KLHL33: variants seen among roughly 807,000 people sequenced by gnomAD.
The protein encoded by KLHL33 is kelch-like protein 33.
KLHL33 carries 46 observed loss-of-function variants against 60.8 expected under a neutral mutation model. That is an observed-to-expected ratio of 0.76 (90% CI 0.60 to 0.97). The LOEUF is 0.97. Among genes scored for constraint, KLHL33 ranks in the 50% least tolerant of loss-of-function variants. KLHL33 has a pLI of 0.00. For missense variants in KLHL33, 1,055 were observed against 1,000.0 expected (o/e 1.05, Z -0.74); for synonymous variants, 434 against 432.2 (o/e 1.00, Z -0.05).
chr14:20,429,336 T>C lies in KLHL33; in HGVS notation c.1907A>G (p.Tyr636Cys). Reference protein sequence around the residue: ...HAAAILEGQLYVSGGCGGTGQ... With the variant: ...HAAAILEGQLCVSGGCGGTGQ... The stretch of plus-strand genomic sequence containing the variant: ...AGTCCCACCACAGCCACCGCTCACG[T>C]ACAACTGGCCCTCCAAAATCGCAGC... Residue 636 changes from tyrosine (Y) to cysteine (C), a missense_variant, in exon 5 of 5, where the codon TAC becomes TGC. Physicochemically the swap from Tyr to Cys is radical, Grantham distance 194. Transcript: ENST00000636854. 1 of 1,551,716 alleles carries C rather than the reference T, an allele frequency of 6.4e-7. No individual in the cohort carries two copies.
rs1246517076 is a variant in KLHL33, at chr14:20,427,107, A to G, written c.*1742T>C. The G allele has an allele frequency of 2.6e-5, 4 of 151,374 alleles. No individual in the cohort carries two copies. Among genetic ancestry groups the G allele is most frequent in the Non-Finnish European group, 5.9e-5 (4 of 67,840 alleles). 9.4% of individuals were successfully genotyped at this position (151,374 alleles called of 1,614,324 possible). On this transcript the variant is annotated 3_prime_UTR_variant, in exon 5 of 5. Coordinates refer to ENST00000636854, the MANE Select transcript of KLHL33 (RefSeq NM_001365790.2). ...TAAATGACGAGTTAATGGGTGCAGC[A>G]CACCAGCATGGCACATGTATACATA...
Position 20,429,677 on chromosome 14 carries a change from C to T in KLHL33, c.1674-8G>A. Reference sequence around the variant, plus strand: ...TCTTGACTGGGCTCCCACCTGGACACAGTAGGACAAGAGATTGGAAGAGGG... The same window carrying T: ...TCTTGACTGGGCTCCCACCTGGACATAGTAGGACAAGAGATTGGAAGAGGG... On this transcript the variant is annotated splice_polypyrimidine_tract_variant and splice_region_variant and intron_variant, in intron 3 of 4. Coordinates refer to ENST00000636854, the MANE Select transcript of KLHL33 (RefSeq NM_001365790.2). The T allele has an allele frequency of 6.5e-7, 1 of 1,550,068 alleles. No individual in the cohort carries two copies. Among genetic ancestry groups the T allele is most frequent in the Non-Finnish European group, 8.7e-7 (1 of 1,146,374 alleles).
intron 2 of KLHL33, 47 bp downstream of exon 2, chr14:20,435,017 C>G (rs932735659): frequency 1.3e-4 from 155 of 1,226,052 alleles, no homozygotes; most frequent in Non-Finnish European, 1.6e-4. Flanking sequence ...CACACCATTC[C>G]GTTAGCATAT....
At chr14:20,433,264 G>A (rs566727399) in intron 2 of KLHL33, among the ~76,000 whole-genome samples, 273 of 152,260 alleles carry the variant, frequency 1.8e-3, no homozygotes, top group African/African-American at 6.3e-3. Context: ...TCTTGGTTTT[G>A]TAAAATGCTT....
rs882594 is a variant in KLHL33, at chr14:20,428,365, G to A, written c.*484C>T. 82,014 of 154,020 alleles carry A rather than the reference G, an allele frequency of 0.53. 22,718 individuals carry two copies. Among genetic ancestry groups the A allele is most frequent in the African/African-American group, 0.68 (28,321 of 41,520 alleles). 9.5% of individuals were successfully genotyped at this position (154,020 alleles called of 1,614,324 possible). A position where few individuals can be genotyped will look rare whatever the true frequency, so the allele number is the denominator to read the frequency against. Reference sequence around the variant, plus strand: ...TTAAGAAGGTTTAGGCATCCCAGGGGTGGGAGAGGAGAAAGGAGCAAGTTC... The same window carrying A: ...TTAAGAAGGTTTAGGCATCCCAGGGATGGGAGAGGAGAAAGGAGCAAGTTC... On this transcript the variant is annotated 3_prime_UTR_variant, in exon 5 of 5. Transcript: ENST00000636854.
chr14:20,430,345 A>T lies in KLHL33; in HGVS notation c.1123T>A (p.Phe375Ile). The T allele has an allele frequency of 1.9e-6, 3 of 1,551,910 alleles. No homozygotes were observed. The highest frequency in any genetic ancestry group is 2.6e-6 in the Non-Finnish European group (3 of 1,147,020). Residue 375 changes from phenylalanine to isoleucine, a missense_variant, in exon 3 of 5, where the codon TTC (phenylalanine) becomes ATC (isoleucine). Phe to Ile is a conservative substitution (Grantham distance 21). Transcript: ENST00000636854. ...AAGCAGGCAGCTGGTAAAGAAGGGA[A>T]AGCAGGACACAAGGCTACAGCAGGC... is the stretch of plus-strand genomic sequence containing the variant. The part of the protein sequence containing the change: ...HLPAVALCPA[F>I]PSLPAACLAE...
intron 2 of KLHL33, 104 bp from the exon 3 acceptor site, chr14:20,430,823 C>CAAACT: frequency 1.5e-5 from 12 of 776,974 alleles, no homozygotes; most frequent in Non-Finnish European, 2.2e-5. Flanking sequence ...TAAGTTTGGC[C>CAAACT]CTCCAAGCCA....
intron 2 of KLHL33, among the ~76,000 whole-genome samples, chr14:20,432,984 A>AAGAAAGAAAGAAAGAAAGAG (rs1016426715): frequency 1.3e-5 from 2 of 151,608 alleles, no homozygotes; most frequent in Admixed American, 6.6e-5. Flanking sequence ...GAAAGAAAGA[A>AAGAAAGAAAGAAAGAAAGAG]AGAGAGAAAT....
rs368401137 is a variant in KLHL33 at position 20,429,822 on chromosome 14, T to C, written c.1646A>G (p.His549Arg). The C allele has an allele frequency of 1.9e-6, 3 of 1,544,938 alleles. No individual in the cohort carries two copies. Among genetic ancestry groups the C allele is most frequent in the East Asian group, 4.9e-5 (2 of 40,856 alleles). Residue 549 changes from histidine to arginine, a missense_variant, in exon 3 of 5, where the codon CAC (histidine) becomes CGC (arginine). His to Arg is a conservative substitution (Grantham distance 29). Coordinates refer to ENST00000636854, the MANE Select transcript of KLHL33 (RefSeq NM_001365790.2). ...GAGAGTTGAAGCCAGGGTGTTGGAGTGACTGTAGAAATCTTGTCCCCCACA... is the reference window on the plus strand; with the variant it reads ...GAGAGTTGAAGCCAGGGTGTTGGAGCGACTGTAGAAATCTTGTCCCCCACA... ...YVCGGQDFYS[H>R]SNTLASTLRW...
rs1880387937 is a variant in KLHL33, at chr14:20,429,015, G to A, written c.2228C>T (p.Ala743Val). The A allele has an allele frequency of 3.2e-6, 5 of 1,551,628 alleles. No homozygotes were observed. Among genetic ancestry groups the A allele is most frequent in the African/African-American group, 1.4e-5 (1 of 73,064 alleles). ...GTAGGCATGGATAAGGTGAGAGAGG[G>A]CATAAGTACGGTGACTGTAGCCCCC... ...VLGGYSHRTY[A>V]LSHLIHAYCP... The change falls in exon 5 of 5, where the codon GCC (alanine) becomes GTC (valine). Residue 743 changes from alanine (A) to valine (V), a missense_variant. Coordinates refer to ENST00000636854, the MANE Select transcript of KLHL33 (RefSeq NM_001365790.2).
intron 1 of KLHL33, 119 bp from the exon 2 acceptor site, chr14:20,435,949 T>G: frequency 1.5e-6 from 1 of 646,864 alleles, no homozygotes; most frequent in Non-Finnish European, 2.2e-6. Context: ...ACCCTCCTCC[T>G]ACCCTCAGCC....
At position 20,430,134 on chromosome 14, in the gene KLHL33, A is replaced by G; in HGVS notation, c.1334T>C (p.Leu445Pro). The change falls in exon 3 of 5, where the codon CTT becomes CCT. Residue 445 changes from leucine (L) to proline (P), a missense_variant. Leu to Pro is a moderately conservative substitution (Grantham distance 98). Transcript: ENST00000636854. ...CAACAGATCTGGGGTCAGGGGTGGA[A>G]GTAGCCCGGCTGCCCGCACCCTCCG... The part of the protein sequence containing the change: ...ELRRVRAAGL[L>P]PPLTPDLLHQ... The G allele has an allele frequency of 6.4e-7, 1 of 1,551,606 alleles. No individual in the cohort carries two copies. The highest frequency in any genetic ancestry group is 8.7e-7 in the Non-Finnish European group (1 of 1,146,996).
rs1249487243 is a variant in KLHL33 at position 20,435,768 on chromosome 14, C to A, written c.44G>T (p.Ser15Ile). ...DTPHYPPELESVSHPVQRDCL... is the reference protein window; with the variant it reads ...DTPHYPPELEIVSHPVQRDCL... ...GTCCCTCTGGACGGGATGAGAGACACTCTCCAGCTCAGGGGGATAATGTGG... is the reference window on the plus strand; with the variant it reads ...GTCCCTCTGGACGGGATGAGAGACAATCTCCAGCTCAGGGGGATAATGTGG... Residue 15 changes from serine (S) to isoleucine (I), a missense_variant, in exon 2 of 5, where the codon AGT becomes ATT. Ser to Ile is a moderately radical substitution (Grantham distance 142). Transcript: ENST00000636854. 2 of 1,234,350 alleles carry A rather than the reference C, an allele frequency of 1.6e-6. No homozygotes were observed. The highest frequency in any genetic ancestry group is 2.0e-6 in the Non-Finnish European group (2 of 988,266). 76.5% of individuals were successfully genotyped at this position (1,234,350 alleles called of 1,614,324 possible). A position where few individuals can be genotyped will look rare whatever the true frequency, so the allele number is the denominator to read the frequency against.
chr14:20,435,453 G>A lies in KLHL33; in HGVS notation c.359C>T (p.Ala120Val), dbSNP rs1880660067. 1.4e-5 allele frequency: 17 copies of A among 1,234,324 alleles called. No individual in the cohort carries two copies. Among genetic ancestry groups the A allele is most frequent in the Non-Finnish European group, 1.7e-5 (17 of 988,222 alleles). The allele number at this position is 1,234,324 out of a possible 1,614,324, so 76.5% of individuals were successfully genotyped here. The change falls in exon 2 of 5, where the codon GCG (alanine) becomes GTG (valine). Residue 120 changes from alanine to valine, a missense_variant. By Grantham distance (64) the Ala-to-Val change is moderately conservative. Coordinates refer to ENST00000636854, the MANE Select transcript of KLHL33 (RefSeq NM_001365790.2). ...RLLLDEEVSVAGRVYGVHRVI... is the reference protein window; with the variant it reads ...RLLLDEEVSVVGRVYGVHRVI... Reference sequence around the variant, plus strand: ...CCGATGCACCCCGTATACCCGCCCCGCGACTGACACCTCTTCGTCCAGCAA... The same window carrying A: ...CCGATGCACCCCGTATACCCGCCCCACGACTGACACCTCTTCGTCCAGCAA...
chr14:20,433,397 G>T (rs1466523775), intron 2 of KLHL33, among the ~76,000 whole-genome samples: 1 of 152,206 alleles, frequency 6.6e-6, no homozygotes, highest in East Asian at 1.9e-4. Flanking sequence ...TTCCCAAAGG[G>T]CAGGTGTTGT....
chr14:20,434,657 A>C (rs1880625197), intron 2 of KLHL33, among the ~76,000 whole-genome samples: 1 of 152,182 alleles, frequency 6.6e-6, no homozygotes, highest in Non-Finnish European at 1.5e-5. Flanking sequence ...GTGAAAGCAC[A>C]CATTGAGTTT....
rs1880316291 is a variant in KLHL33, at chr14:20,427,253, C to A, written c.*1596G>T. 6.8e-6 allele frequency: 1 copy of A among 147,184 alleles called. No individual in the cohort carries two copies. Among genetic ancestry groups the A allele is most frequent in the African/African-American group, 2.5e-5 (1 of 39,922 alleles). The allele number at this position is 147,184 out of a possible 1,614,324, so 9.1% of individuals were successfully genotyped here. The stretch of plus-strand genomic sequence containing the variant: ...ATTGACCTAAACACACACAAAAAAA[C>A]TGACCCTTTTTTGCTCTCAGCTGTC... On this transcript the variant is annotated 3_prime_UTR_variant, in exon 5 of 5. Coordinates refer to ENST00000636854, the MANE Select transcript of KLHL33 (RefSeq NM_001365790.2).
chr14:20,434,233 T>G (rs1880611514), intron 2 of KLHL33, among the ~76,000 whole-genome samples: 1 of 152,182 alleles, frequency 6.6e-6, no homozygotes, highest in African/African-American at 2.4e-5. Flanking sequence ...TTCCTGGTGA[T>G]GAGCAGAGTT....
rs1309034018 is a variant in KLHL33, at chr14:20,430,079, T to C, written c.1389A>G (p.Pro463=). 1.3e-6 allele frequency: 2 copies of C among 1,551,748 alleles called. No homozygotes were observed. The highest frequency in any genetic ancestry group is 4.9e-5 in the East Asian group (2 of 40,924). ...LHQLMVEADV[P]GQERRREPDR... ...CAGGCTCCCTCCGTCTCTCTTGGCCTGGAACATCAGCCTCTACCATCAGCT... is the reference window on the plus strand; with the variant it reads ...CAGGCTCCCTCCGTCTCTCTTGGCCCGGAACATCAGCCTCTACCATCAGCT... The change falls in exon 3 of 5, where the codon CCA becomes CCG. Residue 463 remains proline, a synonymous_variant. Transcript: ENST00000636854.
Sources: allele counts gnomAD v4.1 joint callset (sites outside exome capture counted in the v4.1 genomes callset), GRCh38; gene constraint gnomAD v4.1.1; transcripts MANE v1.5; gene names NCBI Gene and HGNC (gene_info 2026-07-23, HGNC 2026-07-21).